The following HTR4 variants were observed in gnomAD, a reference collection of about 807,000 sequenced individuals.
HTR4 encodes the protein 5-hydroxytryptamine receptor 4.
HTR4 carries 16 observed loss-of-function variants against 36.8 expected under a neutral mutation model. That is an observed-to-expected ratio of 0.43 (90% CI 0.29 to 0.66). HTR4 has a LOEUF of 0.66. Ranked by LOEUF, HTR4 falls within the 30% of genes least tolerant of loss-of-function variation. HTR4 has a pLI of 0.13. For missense variants in HTR4, 438 were observed against 490.9 expected (o/e 0.89, Z 1.02); for synonymous variants, 189 against 185.1 (o/e 1.02, Z -0.17).
At chr5:148,532,524 G>C (rs1297654903) in intron 4 of HTR4, among the ~76,000 whole-genome samples, 1 of 152,226 alleles carries the variant, frequency 6.6e-6, no homozygotes, top group Non-Finnish European at 1.5e-5. Flanking sequence ...CTAGCAGAGG[G>C]ATGGGGAAAG....
chr5:148,507,075 G>A (rs1342910901), intron 6 of HTR4, among the ~76,000 whole-genome samples: 6 of 152,106 alleles, frequency 3.9e-5, no homozygotes, highest in South Asian at 4.2e-4. Flanking sequence ...ACATGCACAC[G>A]TATGTTTATT....
intron 4 of HTR4, among the ~76,000 whole-genome samples, chr5:148,527,201 A>T (rs1212913951): frequency 6.6e-6 from 1 of 152,200 alleles, no homozygotes; most frequent in Non-Finnish European, 1.5e-5. Context: ...TAAATAAATA[A>T]TATCTTGCAG....
chr5:148,484,121 G>A, intron 6 of HTR4: 1 of 805,740 alleles, frequency 1.2e-6, no homozygotes, highest in Non-Finnish European at 1.9e-6. Flanking sequence ...ACTCAAACTA[G>A]ACCTTAAGTT....
chr5:148,604,565 T>C (rs1752064022), intron 2 of HTR4, among the ~76,000 whole-genome samples: 1 of 152,174 alleles, frequency 6.6e-6, no homozygotes, highest in African/African-American at 2.4e-5. Context: ...AAAACTTGTA[T>C]AGCACTCAGT....
At chr5:148,493,193 G>A (rs976851904) in intron 6 of HTR4, among the ~76,000 whole-genome samples, 1 of 152,158 alleles carries the variant, frequency 6.6e-6, no homozygotes, top group Non-Finnish European at 1.5e-5. Context: ...ATTACTTCAC[G>A]TTGTGATGGG....
chr5:148,477,346 A>G (rs112348664), downstream of HTR4, among the ~76,000 whole-genome samples: 3 of 152,308 alleles, frequency 2.0e-5, no homozygotes, highest in African/African-American at 7.2e-5. Flanking sequence ...ATCAATGAAG[A>G]CCTACTGTAT....
rs1239789380 is a variant in HTR4, at chr5:148,463,176, T to TC, written c.1077-11905_1077-11904insG. Among the ~76,000 whole-genome samples the TC allele has an allele frequency of 6.2e-5, 8 of 128,184 alleles. No homozygotes were observed. In the East Asian group the frequency reaches 8.9e-4, roughly 14 times the overall value. The allele number at this position is 128,184 out of a possible 152,430, so 84.1% of individuals were successfully genotyped here. A position where few individuals can be genotyped will look rare whatever the true frequency, so the allele number is the denominator to read the frequency against. ...ATTTCTTTTTTTTTCTTTTTTTTTT[T>TC]TTTTTTTTTTTTTTGAGACGGAGTC... On this transcript the variant is annotated intron_variant, in intron 5 of 5. Transcript: ENST00000521530.
chr5:148,463,458 G>C (rs1239380101), intron 5 of HTR4, among the ~76,000 whole-genome samples: 3 of 152,038 alleles, frequency 2.0e-5, no homozygotes, highest in Non-Finnish European at 4.4e-5. Context: ...GGGATTACAG[G>C]CATGAGCCAC....
chr5:148,515,059 T>A (rs1328669658), intron 5 of HTR4, among the ~76,000 whole-genome samples: 2 of 152,112 alleles, frequency 1.3e-5, no homozygotes. Flanking sequence ...TTGTCTATAA[T>A]CTTACTGTTA....
chr5:148,529,594 G>T (rs912422924), intron 4 of HTR4, among the ~76,000 whole-genome samples: 2 of 152,158 alleles, frequency 1.3e-5, no homozygotes, highest in Non-Finnish European at 2.9e-5. Flanking sequence ...CCCAGTCTTG[G>T]GTATGTCTTT....
intron 2 of HTR4, among the ~76,000 whole-genome samples, chr5:148,619,058 T>C (rs2127292188): frequency 6.6e-6 from 1 of 151,452 alleles, no homozygotes; most frequent in East Asian, 1.9e-4. Flanking sequence ...AAGAAGAAAG[T>C]AAGAAAAGAA....
chr5:148,504,689 A>G (rs1005243153), intron 6 of HTR4, among the ~76,000 whole-genome samples: 1 of 152,186 alleles, frequency 6.6e-6, no homozygotes, highest in Non-Finnish European at 1.5e-5. Flanking sequence ...CCTTCAAAAA[A>G]TCAATGAATC....
chr5:148,642,880 T>C (rs757439415), intron 1 of HTR4, among the ~76,000 whole-genome samples: 46 of 152,116 alleles, frequency 3.0e-4, no homozygotes, highest in Non-Finnish European at 1.2e-4. Flanking sequence ...TTTCTGCCTA[T>C]AAATTAGTCC....
At chr5:148,538,334 T>C (rs1011609382) in intron 4 of HTR4, among the ~76,000 whole-genome samples, 1 of 151,966 alleles carries the variant, frequency 6.6e-6, no homozygotes, top group African/African-American at 2.4e-5. Flanking sequence ...AAGACAAGAA[T>C]GCCCTCCCTC....
intron 1 of HTR4, among the ~76,000 whole-genome samples, chr5:148,646,702 A>G (rs78426560): frequency 0.024 from 3,685 of 152,268 alleles, 149 homozygotes; most frequent in African/African-American, 0.076. Flanking sequence ...AGCAGAAGGA[A>G]AGCAATGGCA....
intron 2 of HTR4, among the ~76,000 whole-genome samples, chr5:148,588,572 C>A (rs1021163834): frequency 7.8e-6 from 1 of 128,222 alleles, no homozygotes; most frequent in African/African-American, 2.9e-5. Flanking sequence ...CTCGCTCTGT[C>A]GCCCAGGCCG....
At chr5:148,515,776 A>G (rs1370039850) in intron 5 of HTR4, among the ~76,000 whole-genome samples, 1 of 151,912 alleles carries the variant, frequency 6.6e-6, no homozygotes, top group Non-Finnish European at 1.5e-5. Flanking sequence ...TTTTTAAATG[A>G]ATTTTCTAGA....
chr5:148,457,653 T>C (rs1390375527), intron 5 of HTR4, among the ~76,000 whole-genome samples: 1 of 147,596 alleles, frequency 6.8e-6, no homozygotes, highest in Non-Finnish European at 1.5e-5. Flanking sequence ...ATTTAATATA[T>C]CATTAAAATA....
At chr5:148,602,624 G>T (rs996703744) in intron 2 of HTR4, among the ~76,000 whole-genome samples, 17 of 152,016 alleles carry the variant, frequency 1.1e-4, no homozygotes, top group Admixed American at 3.9e-4. Context: ...CCAAAAAATA[G>T]AATGAAGGAA....
Sources: allele counts gnomAD v4.1 joint callset (sites outside exome capture counted in the v4.1 genomes callset), GRCh38; gene constraint gnomAD v4.1.1; transcripts MANE v1.5; gene names NCBI Gene and HGNC (gene_info 2026-07-23, HGNC 2026-07-21).